ADGRL4: variants seen among roughly 807,000 people sequenced by gnomAD.
ADGRL4 encodes the protein EGF, latrophilin and seven transmembrane domain containing 1.
Under a neutral mutation model 74.8 loss-of-function variants are expected in ADGRL4, and 90 were observed. The ratio of observed to expected loss-of-function variants is 1.20; its 90% confidence interval spans 1.02 to 1.43. The LOEUF (loss-of-function observed/expected upper bound fraction) is 1.43, where lower values mean the gene tolerates loss of function less well. Ranked by LOEUF, ADGRL4 falls within the 40% of genes most tolerant of loss-of-function variation. The pLI is 0.00. For synonymous variants in ADGRL4, 311 were observed against 279.2 expected (o/e 1.11, Z -1.14); for missense variants, 881 against 814.3 (o/e 1.08, Z -1.00).
At chr1:78,904,250 A>G (rs1648583450) in intron 12 of ADGRL4, among the ~76,000 whole-genome samples, 1 of 151,936 alleles carries the variant, frequency 6.6e-6, no homozygotes, top group Admixed American at 6.6e-5. Flanking sequence ...ATGTGAAAGT[A>G]CAGATTTAAT....
Position 78,894,902 on chromosome 1 carries a change from C to A in ADGRL4, c.1750-1713G>T, listed in dbSNP as rs183150347. Among the ~76,000 whole-genome samples, 8 of 151,992 alleles carry A rather than the reference C, an allele frequency of 5.3e-5. No individual in the cohort carries two copies. The East Asian group carries it at 1.5e-3, about 29-fold the overall frequency. ...TCTTAAACTTCTGTTTTCAATAAAA[C>A]TGAGTTTGAAAAATAGTTGCTCATA... On this transcript the variant is annotated intron_variant, in intron 12 of 14. Transcript: ENST00000370742.
At chr1:78,940,588 T>C (rs1199376731) in intron 3 of ADGRL4, among the ~76,000 whole-genome samples, 3 of 152,114 alleles carry the variant, frequency 2.0e-5, no homozygotes, top group Admixed American at 1.3e-4. Flanking sequence ...GTCTAGATCA[T>C]TACCTTGAAT....
chr1:78,929,489 C>T (rs1649194992), intron 7 of ADGRL4, among the ~76,000 whole-genome samples: 1 of 151,400 alleles, frequency 6.6e-6, no homozygotes, highest in Non-Finnish European at 1.5e-5. Context: ...GTACTTTAGC[C>T]TGGGCAACAG....
At chr1:78,999,819 T>TCTATCTAA (rs1650802583) in intron 2 of ADGRL4, among the ~76,000 whole-genome samples, 1 of 149,256 alleles carries the variant, frequency 6.7e-6, no homozygotes, top group Non-Finnish European at 1.5e-5. Context: ...TATCTATCTA[T>TCTATCTAA]CTATCTATCT....
At position 78,999,544 on chromosome 1, in the gene ADGRL4, G is replaced by C. The variant is rs868336315; in HGVS notation, c.172+5526C>G. ...GCTGAGATCGCACCACTGCACTCTA[G>C]CTTGGGCGACAGAGCGAGACTCCGT... On this transcript the variant is annotated intron_variant, in intron 2 of 14. Coordinates refer to ENST00000370742, the MANE Select transcript of ADGRL4 (RefSeq NM_022159.4). Among the ~76,000 whole-genome samples, 65 of 152,218 alleles carry C rather than the reference G, an allele frequency of 4.3e-4. 1 individual carries two copies. Among genetic ancestry groups the C allele is most frequent in the African/African-American group, 1.5e-3 (63 of 41,526 alleles).
intron 2 of ADGRL4, among the ~76,000 whole-genome samples, chr1:78,951,594 G>T (rs934567893): frequency 3.9e-5 from 6 of 152,172 alleles, no homozygotes; most frequent in Non-Finnish European, 1.5e-5. Flanking sequence ...TAGTATGAAA[G>T]AATTATTTCA....
intron 2 of ADGRL4, among the ~76,000 whole-genome samples, chr1:78,963,663 CT>C (rs1463447076): frequency 9.2e-5 from 14 of 152,030 alleles, no homozygotes; most frequent in Admixed American, 6.6e-4. Context: ...TCATTTATGT[CT>C]ACTAGATCTC....
chr1:78,952,273 A>T (rs1649745246), intron 2 of ADGRL4, among the ~76,000 whole-genome samples: 1 of 146,266 alleles, frequency 6.8e-6, no homozygotes. Flanking sequence ...TATAACCATT[A>T]TGTGATTCCT....
At chr1:78,917,540 T>A in intron 12 of ADGRL4, 94 bp downstream of exon 12, 1 of 711,882 alleles carries the variant, frequency 1.4e-6, no homozygotes. Context: ...ATTCAAATTC[T>A]TCTTTTTTAG....
At chr1:79,004,943 G>A (rs1317148645) in intron 2 of ADGRL4, 127 bp downstream of exon 2, 9 of 757,318 alleles carry the variant, frequency 1.2e-5, no homozygotes, top group African/African-American at 5.4e-5. Flanking sequence ...CTACTTACGC[G>A]TTTTTTAAAT....
At chr1:78,909,768 C>G (rs893457859) in intron 12 of ADGRL4, among the ~76,000 whole-genome samples, 2 of 151,728 alleles carry the variant, frequency 1.3e-5, no homozygotes, top group Admixed American at 1.3e-4. Flanking sequence ...TCTGTATATA[C>G]TTGCATTTCT....
chr1:78,997,757 A>AT (rs1385719425), intron 2 of ADGRL4, among the ~76,000 whole-genome samples: 1 of 152,118 alleles, frequency 6.6e-6, no homozygotes, highest in Non-Finnish European at 1.5e-5. Flanking sequence ...CATATTTATA[A>AT]TTTAAAAAAA....
chr1:78,959,752 G>A (rs1261890140), intron 2 of ADGRL4, among the ~76,000 whole-genome samples: 1 of 152,052 alleles, frequency 6.6e-6, no homozygotes, highest in Non-Finnish European at 1.5e-5. Flanking sequence ...AAAGTATACT[G>A]AACCAGAGTC....
chr1:78,920,005 TA>T (rs1231885109), intron 10 of ADGRL4, among the ~76,000 whole-genome samples, 177 bp downstream of exon 10: 4 of 151,978 alleles, frequency 2.6e-5, no homozygotes, highest in African/African-American at 9.7e-5. Context: ...ATGGACTTGA[TA>T]AGTAGTTTGC....
chr1:78,891,831 A>C, intron 13 of ADGRL4, 139 bp from the exon 14 acceptor site: 1 of 676,424 alleles, frequency 1.5e-6, no homozygotes. Context: ...GAATTTCCAA[A>C]CTGCTAAGTT....
intron 2 of ADGRL4, 101 bp downstream of exon 2, chr1:79,004,969 A>G: frequency 9.7e-7 from 1 of 1,031,460 alleles, no homozygotes; most frequent in Non-Finnish European, 1.4e-6. Flanking sequence ...GAAATTAAAC[A>G]GTATAACACA....
intron 2 of ADGRL4, among the ~76,000 whole-genome samples, chr1:78,995,522 G>A (rs1650695753): frequency 6.6e-6 from 1 of 152,194 alleles, no homozygotes; most frequent in African/African-American, 2.4e-5. Flanking sequence ...CATTGGTCAT[G>A]CCAGCTCCAG....
intron 12 of ADGRL4, among the ~76,000 whole-genome samples, chr1:78,895,754 G>A (rs776000460): frequency 6.6e-6 from 1 of 152,018 alleles, no homozygotes; most frequent in Admixed American, 6.6e-5. Context: ...AGTTGGGTGA[G>A]GAGGACAGGG....
At chr1:78,901,748 A>ACCCCC (rs1648525462) in intron 12 of ADGRL4, among the ~76,000 whole-genome samples, 1 of 152,100 alleles carries the variant, frequency 6.6e-6, no homozygotes, top group Non-Finnish European at 1.5e-5. Context: ...AATAACTTTC[A>ACCCCC]CCCCCACATA....
Sources: allele counts gnomAD v4.1 joint callset (sites outside exome capture counted in the v4.1 genomes callset), GRCh38; gene constraint gnomAD v4.1.1; transcripts MANE v1.5; gene names NCBI Gene and HGNC (gene_info 2026-07-23, HGNC 2026-07-21).